NEIL1: variants seen among roughly 807,000 people sequenced by gnomAD.
The protein encoded by NEIL1 is nei like DNA glycosylase 1.
In NEIL1, 31 loss-of-function variants were observed where a neutral mutation model predicts 44.2. That is an observed-to-expected ratio of 0.70 (90% CI 0.53 to 0.95). The LOEUF (loss-of-function observed/expected upper bound fraction) is 0.95, where lower values mean the gene tolerates loss of function less well. Ranked by LOEUF, NEIL1 falls within the 40% of genes least tolerant of loss-of-function variation. The probability of loss-of-function intolerance (pLI) is 0.00; values close to 1 mark genes in which losing one functional copy is unlikely to be tolerated. For missense variants in NEIL1, 549 were observed against 515.5 expected (o/e 1.07, Z -0.63); for synonymous variants, 254 against 209.7 (o/e 1.21, Z -1.83).
At chr15:75,347,928 T>C (rs1335948741) in intron 1 of NEIL1, 5 of 1,249,656 alleles carry the variant, frequency 4.0e-6, no homozygotes, top group South Asian at 1.3e-5. Flanking sequence ...TACGGGCGTC[T>C]GCCGTCGCTA....
In NEIL1 at chr15:75,356,227, G is replaced by A. The variant is rs1392851683; in HGVS notation, c.*1193G>A. ...CTGGGGGCTGCTCTCCGCCTGCAGA[G>A]GAACACGTCTGGTGGGAGGGGCCGA... is the stretch of plus-strand genomic sequence containing the variant. On this transcript the variant is annotated 3_prime_UTR_variant, in exon 10 of 10. Coordinates refer to ENST00000355059, the MANE Select transcript of NEIL1 (RefSeq NM_024608.4). The surrounding 1 kb of genome is among the most constrained non-coding windows in gnomAD (Gnocchi z 5.8). 2 of 1,612,942 alleles carry A rather than the reference G, an allele frequency of 1.2e-6. No homozygotes were observed. Among genetic ancestry groups the A allele is most frequent in the East Asian group, 2.2e-5 (1 of 44,872 alleles).
At chr15:75,354,037 G>A (rs2072146917) in intron 6 of NEIL1, 171 bp downstream of exon 6, 2 of 1,097,562 alleles carry the variant, frequency 1.8e-6, no homozygotes, top group African/African-American at 1.6e-5. Context: ...GTTGCAGCTA[G>A]TGGAAGTAGC....
rs867952790 is a variant in NEIL1 at position 75,348,799 on chromosome 15, C to T, written c.-22-85C>T. On this transcript the variant is annotated intron_variant, in intron 1 of 9. Coordinates refer to ENST00000355059, the MANE Select transcript of NEIL1 (RefSeq NM_024608.4). ...CTGGCCACATGCCCATCTGACCCTCCGAGTTCTCCTCTAAAAATGGGGCTG... is the reference window on the plus strand; with the variant it reads ...CTGGCCACATGCCCATCTGACCCTCTGAGTTCTCCTCTAAAAATGGGGCTG... The T allele has an allele frequency of 5.3e-6, 8 of 1,522,848 alleles. No homozygotes were observed. The Middle Eastern group carries it at 9.6e-4, about 184-fold the overall frequency. 94.3% of individuals were successfully genotyped at this position (1,522,848 alleles called of 1,614,324 possible).
chr15:75,351,355 A>T, intron 2 of NEIL1: 1 of 420,496 alleles, frequency 2.4e-6, no homozygotes, highest in Admixed American at 2.9e-5. Flanking sequence ...AGCTCATTGC[A>T]GCCTTAACCT....
chr15:75,350,801 G>A (rs1194017282), intron 2 of NEIL1, among the ~76,000 whole-genome samples: 1 of 152,126 alleles, frequency 6.6e-6, no homozygotes, highest in East Asian at 1.9e-4. Flanking sequence ...CAAACCACGA[G>A]CATTTGGGCT....
At chr15:75,349,745 C>T in intron 2 of NEIL1, 1 of 208,740 alleles carries the variant, frequency 4.8e-6, no homozygotes, top group South Asian at 7.6e-5. Flanking sequence ...GCCGGTGAGG[C>T]CGGGGTTGCA....
At chr15:75,348,743 G>A in intron 1 of NEIL1, 141 bp from the exon 2 acceptor site, 2 of 1,445,268 alleles carry the variant, frequency 1.4e-6, no homozygotes, top group Non-Finnish European at 1.8e-6. Flanking sequence ...TGAGGGCCGT[G>A]GCCAGGCCCG....
chr15:75,354,654 A>G lies in NEIL1; in HGVS notation c.938A>G (p.Asp313Gly). The change falls in exon 9 of 10, where the codon GAC becomes GGC. Residue 313 changes from aspartate to glycine, a missense_variant and splice_region_variant. Transcript: ENST00000355059. Reference protein sequence around the residue: ...TQLSPEDRVEDALPPSKAPSR... With the variant: ...TQLSPEDRVEGALPPSKAPSR... ...GGGACCCGTGTCTCCTCCATCCAGGACGCTTTGCCTCCAAGCAAGGCCCCT... is the reference window on the plus strand; with the variant it reads ...GGGACCCGTGTCTCCTCCATCCAGGGCGCTTTGCCTCCAAGCAAGGCCCCT... 6.2e-7 allele frequency: 1 copy of G among 1,614,018 alleles called. No individual in the cohort carries two copies. Among genetic ancestry groups the G allele is most frequent in the African/African-American group, 1.3e-5 (1 of 75,002 alleles).
intron 1 of NEIL1, chr15:75,348,181 G>A: frequency 4.3e-6 from 3 of 702,514 alleles, no homozygotes; most frequent in Non-Finnish European, 5.4e-6. Context: ...GCGGCAGCCC[G>A]CCCGCCTCGT....
intron 1 of NEIL1, chr15:75,348,205 C>G (rs2071592575): frequency 1.4e-6 from 1 of 739,116 alleles, no homozygotes; most frequent in Non-Finnish European, 1.7e-6. Flanking sequence ...GGCCCCTGCC[C>G]TGACCCGGGG....
At position 75,349,100 on chromosome 15, in the gene NEIL1, G is replaced by C. The variant is rs771252415; in HGVS notation, c.195G>C (p.Gly65=). ...GCCTGATACTGAGCCCTCTGCCTGGGGCCCAGCCCCAACAGGAGCCACTGG... is the reference window on the plus strand; with the variant it reads ...GCCTGATACTGAGCCCTCTGCCTGGCGCCCAGCCCCAACAGGAGCCACTGG... ...ELRLILSPLP[G]AQPQQEPLAL... Residue 65 remains glycine, a synonymous_variant, in exon 2 of 10, where the codon GGG becomes GGC. Coordinates refer to ENST00000355059, the MANE Select transcript of NEIL1 (RefSeq NM_024608.4). 12 of 1,612,116 alleles carry C rather than the reference G, an allele frequency of 7.4e-6. No individual in the cohort carries two copies. Among genetic ancestry groups the C allele is most frequent in the Non-Finnish European group, 8.5e-6 (10 of 1,179,922 alleles).
rs1373245124 is a variant in NEIL1 at position 75,347,357 on chromosome 15, GC to G, written c.-138del. ...GGGGTGCCGACCCTGTCCCACGCTA[GC>G]TGGGTGACTTCCCCCAACCGCAGAG... On this transcript the variant is annotated 5_prime_UTR_variant, in exon 1 of 10. Coordinates refer to ENST00000355059, the MANE Select transcript of NEIL1 (RefSeq NM_024608.4). 1 of 152,296 alleles carries G rather than the reference GC, an allele frequency of 6.6e-6. No individual in the cohort carries two copies. The highest frequency in any genetic ancestry group is 1.9e-4 in the East Asian group (1 of 5,196). The allele number at this position is 152,296 out of a possible 1,614,324, so 9.4% of individuals were successfully genotyped here. A position where few individuals can be genotyped will look rare whatever the true frequency, so the allele number is the denominator to read the frequency against.
chr15:75,352,526 C>T, intron 4 of NEIL1, 76 bp from the exon 5 acceptor site: 1 of 1,550,644 alleles, frequency 6.4e-7, no homozygotes, highest in Non-Finnish European at 8.8e-7. Flanking sequence ...CAAAGTCTGA[C>T]CAAGCTCAGA....
At chr15:75,347,931 C>G in intron 1 of NEIL1, 1 of 1,248,610 alleles carries the variant, frequency 8.0e-7, no homozygotes, top group Non-Finnish European at 1.0e-6. Context: ...GGGCGTCTGC[C>G]GTCGCTAAGT....
Position 75,355,295 on chromosome 15 carries a change from T to C in NEIL1, c.*261T>C, listed in dbSNP as rs2072258261. On this transcript the variant is annotated 3_prime_UTR_variant, in exon 10 of 10. Transcript: ENST00000355059. ...AGATGGCCAGGTAGGAAGGGCCTGC[T>C]GTCCGGTCCTGGTGACAGAAGGCCC... 5.8e-5 allele frequency: 26 copies of C among 445,808 alleles called. No homozygotes were observed. The highest frequency in any genetic ancestry group is 5.8e-4 in the South Asian group (24 of 41,456). The allele number at this position is 445,808 out of a possible 1,614,324, so 27.6% of individuals were successfully genotyped here. A position where few individuals can be genotyped will look rare whatever the true frequency, so the allele number is the denominator to read the frequency against.
chr15:75,355,600 G>C lies in NEIL1; in HGVS notation c.*566G>C. On this transcript the variant is annotated 3_prime_UTR_variant, in exon 10 of 10. Transcript: ENST00000355059. ...ACAGGGGAGGGGCTTCTCAACTCAT[G>C]GTCTCTTCACTGGCTTTTGGTGGCT... 3.0e-6 allele frequency: 1 copy of C among 338,646 alleles called. No individual in the cohort carries two copies. Among genetic ancestry groups the C allele is most frequent in the East Asian group, 6.7e-5 (1 of 14,874 alleles). 21.0% of individuals were successfully genotyped at this position (338,646 alleles called of 1,614,324 possible).
In NEIL1 at chr15:75,349,175, C is replaced by T. The variant is rs1256210370; in HGVS notation, c.270C>T (p.Arg90=). The T allele has an allele frequency of 6.2e-7, 1 of 1,609,124 alleles. No homozygotes were observed. The highest frequency in any genetic ancestry group is 8.5e-7 in the Non-Finnish European group (1 of 1,179,876). Residue 90 remains arginine (R), a synonymous_variant, in exon 2 of 10, where the codon CGC becomes CGT. Coordinates refer to ENST00000355059, the MANE Select transcript of NEIL1 (RefSeq NM_024608.4). The stretch of plus-strand genomic sequence containing the variant: ...CCGGCTCTTTTCAGCTGGTGCCCCG[C>T]GAGGAGCTGCCACGCCATGCCCACC... ...GMSGSFQLVP[R]EELPRHAHLR...
chr15:75,348,019 G>A (rs998484609), intron 1 of NEIL1: 2 of 1,179,116 alleles, frequency 1.7e-6, no homozygotes, highest in African/African-American at 1.6e-5. Context: ...AAAGCAGGGA[G>A]GGCGGAGGTG....
At chr15:75,350,062 G>T (rs987326222) in intron 2 of NEIL1, among the ~76,000 whole-genome samples, 1 of 152,342 alleles carries the variant, frequency 6.6e-6, no homozygotes, top group South Asian at 2.1e-4. Context: ...CATGGCTTCC[G>T]CCTTGGGCTT....
Sources: allele counts gnomAD v4.1 joint callset (sites outside exome capture counted in the v4.1 genomes callset), GRCh38; gene constraint gnomAD v4.1.1; non-coding constraint Gnocchi (gnomAD v3.1); transcripts MANE v1.5; gene names NCBI Gene and HGNC (gene_info 2026-07-23, HGNC 2026-07-21).